CASZ1: variants seen among roughly 807,000 people sequenced by gnomAD.
CASZ1 encodes castor zinc finger 1.
In CASZ1, 28 loss-of-function variants were observed where a neutral mutation model predicts 135.2. The ratio of observed to expected loss-of-function variants is 0.21; its 90% CI spans 0.15 to 0.28. The LOEUF is 0.28. CASZ1 is among the 10% of genes least tolerant of loss of function. CASZ1 has a pLI of 1.00. For missense variants in CASZ1, 2,161 were observed against 2,453.3 expected, an observed-to-expected ratio of 0.88 and a Z score of 2.52; for synonymous variants, 1,068 against 1,073.4, an observed-to-expected ratio of 0.99 and a Z score of 0.10.
At position 10,739,808 on chromosome 1, in the gene CASZ1, C is replaced by G. The variant is rs1198775258; in HGVS notation, c.-77+20893G>C. Among the ~76,000 whole-genome samples, 4 of 152,220 alleles carry G rather than the reference C, an allele frequency of 2.6e-5. No individual in the cohort carries two copies. The highest frequency in any genetic ancestry group is 5.9e-5 in the Non-Finnish European group (4 of 68,038). On this transcript the variant is annotated intron_variant, in intron 2 of 20. Coordinates refer to ENST00000377022, the MANE Select transcript of CASZ1 (RefSeq NM_001079843.3). This position sits in a 1 kb window ranked among gnomAD's most constrained non-coding sequence, Gnocchi z 4.8. ...AGCACATGCCTTTTGCCACCTCCCC[C>G]ACTGGTCCTGGCTCTTCCTTCCCCG...
intron 20 of CASZ1, among the ~76,000 whole-genome samples, chr1:10,640,829 G>T (rs1008405166): frequency 6.6e-6 from 1 of 152,192 alleles, no homozygotes; most frequent in Non-Finnish European, 1.5e-5. Context: ...GGCCCAGACT[G>T]CTTCCTGGGA....
chr1:10,728,794 G>T (rs1639642680), intron 2 of CASZ1, among the ~76,000 whole-genome samples: 1 of 151,918 alleles, frequency 6.6e-6, no homozygotes, highest in Non-Finnish European at 1.5e-5. Flanking sequence ...GCACAAAGGG[G>T]AATGGCTTTT....
intron 4 of CASZ1, among the ~76,000 whole-genome samples, chr1:10,667,143 A>G (rs1307949596): frequency 6.6e-6 from 1 of 152,168 alleles, no homozygotes; most frequent in Non-Finnish European, 1.5e-5. Flanking sequence ...GGGAATGGCA[A>G]TACCTGGGTC....
intron 6 of CASZ1, among the ~76,000 whole-genome samples, chr1:10,659,435 G>A (rs967883226): frequency 6.6e-6 from 1 of 152,316 alleles, no homozygotes; most frequent in African/African-American, 2.4e-5. Flanking sequence ...CGAGGTGCAC[G>A]CGCAGGTCCA....
intron 1 of CASZ1, among the ~76,000 whole-genome samples, chr1:10,778,101 A>C (rs1035156339): frequency 5.3e-5 from 8 of 151,958 alleles, no homozygotes; most frequent in African/African-American, 1.9e-4. Flanking sequence ...CATCTCACAC[A>C]ATCTCACAAT....
At chr1:10,760,386 T>A (rs544416729) in intron 2 of CASZ1, among the ~76,000 whole-genome samples, 1 of 152,336 alleles carries the variant, frequency 6.6e-6, no homozygotes, top group African/African-American at 2.4e-5. Flanking sequence ...ATAGAAACAC[T>A]GGGAAGATCC....
intron 1 of CASZ1, among the ~76,000 whole-genome samples, chr1:10,786,315 A>T (rs1640858584): frequency 6.6e-6 from 1 of 152,198 alleles, no homozygotes; most frequent in South Asian, 2.1e-4. Flanking sequence ...CTGACTCCGC[A>T]TGTGGGCAGA....
In CASZ1 at chr1:10,721,068, C is replaced by T. The variant is rs1286311869; in HGVS notation, c.-76-15524G>A. Reference sequence around the variant, plus strand: ...AACTCTGGTGGGGGTCCCTTTTGTACAGGAGCCAAGCTGGGCTCCTGGGCC... The same window carrying T: ...AACTCTGGTGGGGGTCCCTTTTGTATAGGAGCCAAGCTGGGCTCCTGGGCC... On this transcript the variant is annotated intron_variant, in intron 2 of 20. Transcript: ENST00000377022. The surrounding 1 kb of genome is among the most constrained non-coding windows in gnomAD (Gnocchi z 5.4). Among the ~76,000 whole-genome samples, 6 of 152,196 alleles carry T rather than the reference C, an allele frequency of 3.9e-5. No individual in the cohort carries two copies. The East Asian group carries it at 7.7e-4, about 20-fold the overall frequency.
chr1:10,652,643 A>C (rs1642631583), intron 11 of CASZ1: 1 of 152,262 alleles, frequency 6.6e-6, no homozygotes, highest in Non-Finnish European at 1.5e-5. Flanking sequence ...GAAGGCAGGA[A>C]AGAGAACTGC....
In CASZ1 at chr1:10,638,510, A is replaced by C. The variant is rs1642071550; in HGVS notation, c.*432T>G. 6.6e-6 allele frequency: 1 copy of C among 151,836 alleles called. No individual in the cohort carries two copies. Among genetic ancestry groups the C allele is most frequent in the Admixed American group, 6.5e-5 (1 of 15,276 alleles). 9.4% of individuals were successfully genotyped at this position (151,836 alleles called of 1,614,324 possible). A position where few individuals can be genotyped will look rare whatever the true frequency, so the allele number is the denominator to read the frequency against. On this transcript the variant is annotated 3_prime_UTR_variant, in exon 21 of 21. Coordinates refer to ENST00000377022, the MANE Select transcript of CASZ1 (RefSeq NM_001079843.3). The surrounding 1 kb of genome is among the most constrained non-coding windows in gnomAD (Gnocchi z 5.9). ...GGGGAGGATCCTAGCTGCATGAGGGAGGCCCCGCCAGCGGCTCCAGGAGCC... is the reference window on the plus strand; with the variant it reads ...GGGGAGGATCCTAGCTGCATGAGGGCGGCCCCGCCAGCGGCTCCAGGAGCC...
chr1:10,726,520 G>A lies in CASZ1; in HGVS notation c.-76-20976C>T, dbSNP rs992271810. On this transcript the variant is annotated intron_variant, in intron 2 of 20. Transcript: ENST00000377022. The surrounding 1 kb of genome is among the most constrained non-coding windows in gnomAD (Gnocchi z 5.7). ...CGGTGGAGGATGCCACCTTTTCCTC[G>A]TGCCGCCTCAGGCCAAGCTGAAGGC... 1.3e-5 allele frequency among the ~76,000 whole-genome samples: 2 copies of A among 152,190 alleles called. No homozygotes were observed. The highest frequency in any genetic ancestry group is 2.4e-5 in the African/African-American group (1 of 41,454).
chr1:10,646,561 G>C lies in CASZ1; in HGVS notation c.3498-235C>G, dbSNP rs1229644084. Reference sequence around the variant, plus strand: ...TGGTGCACAGGGATTGCAATATGCAGGGTGCCCAGAGCATTGCATGCTGGG... The same window carrying C: ...TGGTGCACAGGGATTGCAATATGCACGGTGCCCAGAGCATTGCATGCTGGG... On this transcript the variant is annotated intron_variant, in intron 16 of 20. Transcript: ENST00000377022. The surrounding 1 kb of genome is among the most constrained non-coding windows in gnomAD (Gnocchi z 6.4). Among the ~76,000 whole-genome samples, 1 of 152,242 alleles carries C rather than the reference G, an allele frequency of 6.6e-6. No individual in the cohort carries two copies. Among genetic ancestry groups the C allele is most frequent in the Non-Finnish European group, 1.5e-5 (1 of 68,038 alleles).
chr1:10,718,573 C>A (rs755026180), intron 2 of CASZ1, among the ~76,000 whole-genome samples: 7 of 152,252 alleles, frequency 4.6e-5, no homozygotes, highest in Non-Finnish European at 8.8e-5. Context: ...TCTGGTTCTG[C>A]CCTGCCAGAG....
rs1307862260 is a variant in CASZ1 at position 10,767,514 on chromosome 1, G to A, written c.-233-6657C>T. ...AAGCCAGGCCCAGGGAGGCCGGGAA[G>A]CAGAGAGCCGGAGGAGTCAGCAGCT... On this transcript the variant is annotated intron_variant, in intron 1 of 20. Coordinates refer to ENST00000377022, the MANE Select transcript of CASZ1 (RefSeq NM_001079843.3). The surrounding 1 kb of genome is among the most constrained non-coding windows in gnomAD (Gnocchi z 4.2). 6.6e-6 allele frequency among the ~76,000 whole-genome samples: 1 copy of A among 152,214 alleles called. No individual in the cohort carries two copies. Among genetic ancestry groups the A allele is most frequent in the Non-Finnish European group, 1.5e-5 (1 of 68,028 alleles).
intron 11 of CASZ1, chr1:10,651,404 T>TC (rs891794820): frequency 1.8e-5 from 4 of 217,006 alleles, no homozygotes; most frequent in African/African-American, 9.2e-5. Flanking sequence ...GGCTGCCGCT[T>TC]AGGCTTTTAT....
intron 11 of CASZ1, 27 bp downstream of exon 11, chr1:10,653,350 T>C: frequency 6.2e-7 from 1 of 1,611,946 alleles, no homozygotes; most frequent in Non-Finnish European, 8.5e-7. Context: ...AGGTGCCTGC[T>C]TTCTGGGCAG....
chr1:10,648,756 G>A, intron 15 of CASZ1: 1 of 341,962 alleles, frequency 2.9e-6, no homozygotes, highest in South Asian at 5.4e-5. Context: ...CTCCAGCTGG[G>A]CTCTGTGCCC....
intron 2 of CASZ1, among the ~76,000 whole-genome samples, chr1:10,748,465 G>C (rs75870854): frequency 2.0e-5 from 3 of 152,324 alleles, no homozygotes; most frequent in East Asian, 1.9e-4. Flanking sequence ...TTTAGAGAAC[G>C]CATCCCTGCA....
At position 10,697,776 on chromosome 1, in the gene CASZ1, T is replaced by A. The variant is rs930495006; in HGVS notation, c.-23-3864A>T. 1.3e-5 allele frequency among the ~76,000 whole-genome samples: 2 copies of A among 152,196 alleles called. No individual in the cohort carries two copies. The highest frequency in any genetic ancestry group is 4.8e-5 in the African/African-American group (2 of 41,458). On this transcript the variant is annotated intron_variant, in intron 3 of 20. Coordinates refer to ENST00000377022, the MANE Select transcript of CASZ1 (RefSeq NM_001079843.3). This position sits in a 1 kb window ranked among gnomAD's most constrained non-coding sequence, Gnocchi z 4.7. ...ATTGCACCCCACCCCAGGATCCCAA[T>A]AAACTGGTTCCATCTGAGGCGACTG...
Sources: allele counts gnomAD v4.1 joint callset (sites outside exome capture counted in the v4.1 genomes callset), GRCh38; gene constraint gnomAD v4.1.1; non-coding constraint Gnocchi (gnomAD v3.1); transcripts MANE v1.5; gene names NCBI Gene and HGNC (gene_info 2026-07-23, HGNC 2026-07-21).